SNN: variants seen among roughly 807,000 people sequenced by gnomAD.
SNN encodes stannin, also known as AG8_1.
SNN carries 5 observed loss-of-function variants against 5.3 expected under a neutral mutation model. The observed-to-expected ratio is 0.94, with a 90% confidence interval of 0.49 to 1.97. The LOEUF (loss-of-function observed/expected upper bound fraction) is 1.97. SNN is among the 30% of genes most tolerant of loss of function. SNN has a pLI of 0.01. For missense variants in SNN, 127 were observed against 121.6 expected, an observed-to-expected ratio of 1.04 and a Z score of -0.21; for synonymous variants, 67 against 52.1, an observed-to-expected ratio of 1.29 and a Z score of -1.24.
At position 11,676,037 on chromosome 16, in the gene SNN, C is replaced by T. The variant is rs8191327; in HGVS notation, c.-23C>T. The T allele has an allele frequency of 3.8e-3, 5,973 of 1,554,072 alleles. 223 individuals carry two copies. The African/African-American group carries it at 0.073, about 19-fold the overall frequency. ...TGGCCACCCCCAAAGTGCTGCCAGCCGAGGAAGCCCCCAGCACTGACCATG... is the reference window on the plus strand; with the variant it reads ...TGGCCACCCCCAAAGTGCTGCCAGCTGAGGAAGCCCCCAGCACTGACCATG... On this transcript the variant is annotated 5_prime_UTR_variant, in exon 2 of 2. Transcript: ENST00000329565.
In SNN at chr16:11,676,216, G is replaced by T. The variant is rs759337484; in HGVS notation, c.157G>T (p.Asp53Tyr). 3.7e-6 allele frequency: 6 copies of T among 1,614,254 alleles called. No homozygotes were observed. Among genetic ancestry groups the T allele is most frequent in the Non-Finnish European group, 5.1e-6 (6 of 1,180,050 alleles). ...AGAGGACGAGGAGAGCATCGTGGGG[G>T]ATGGGGAGACCAAGGAACCCTTCCT... ...QSEDEESIVG[D>Y]GETKEPFLLV... The change falls in exon 2 of 2, where the codon GAT becomes TAT. Residue 53 changes from aspartate (D) to tyrosine (Y), a missense_variant. Coordinates refer to ENST00000329565, the MANE Select transcript of SNN (RefSeq NM_003498.6).
At position 11,676,052 on chromosome 16, in the gene SNN, C is replaced by A; in HGVS notation, c.-8C>A. ...TGCTGCCAGCCGAGGAAGCCCCCAG[C>A]ACTGACCATGTCTATTATGGACCAC... On this transcript the variant is annotated 5_prime_UTR_variant, in exon 2 of 2. Transcript: ENST00000329565. The A allele has an allele frequency of 6.3e-7, 1 of 1,588,030 alleles. No homozygotes were observed. Among genetic ancestry groups the A allele is most frequent in the South Asian group, 1.1e-5 (1 of 87,412 alleles).
chr16:11,676,614 T>C lies in SNN; in HGVS notation c.*288T>C. The C allele has an allele frequency of 2.2e-6, 1 of 456,488 alleles. No homozygotes were observed. Among genetic ancestry groups the C allele is most frequent in the Non-Finnish European group, 4.1e-6 (1 of 242,622 alleles). The allele number at this position is 456,488 out of a possible 1,614,324, so 28.3% of individuals were successfully genotyped here. ...TTGAATGTCTAGCTGAGCCTGTTTT[T>C]GATGGAGCTACTACTGTAATGCGTG... is the stretch of plus-strand genomic sequence containing the variant. On this transcript the variant is annotated 3_prime_UTR_variant, in exon 2 of 2. Transcript: ENST00000329565.
At position 11,676,450 on chromosome 16, in the gene SNN, G is replaced by C; in HGVS notation, c.*124G>C. 8.1e-7 allele frequency: 1 copy of C among 1,242,092 alleles called. No individual in the cohort carries two copies. The highest frequency in any genetic ancestry group is 1.1e-6 in the Non-Finnish European group (1 of 900,546). 76.9% of individuals were successfully genotyped at this position (1,242,092 alleles called of 1,614,324 possible). On this transcript the variant is annotated 3_prime_UTR_variant, in exon 2 of 2. Coordinates refer to ENST00000329565, the MANE Select transcript of SNN (RefSeq NM_003498.6). ...ACACTTGCTGGCATGGCCTCTGCGG[G>C]CTTCGTCATCGCATGCACTGATGCC...
In SNN at chr16:11,672,061, GCCCTGAGTGTCAGGGACCCC is replaced by G. The variant is rs577595287; in HGVS notation, c.-86+3525_-86+3544del. ...GACCTGTGCTCAGGGTTCTGGGAGTGCCCTGAGTGTCAGGGACCCCCCCACCTATGATCCCCCTGAGAACA... is the reference window on the plus strand; with the variant it reads ...GACCTGTGCTCAGGGTTCTGGGAGTGCCCACCTATGATCCCCCTGAGAACA... On this transcript the variant is annotated intron_variant, in intron 1 of 1. Coordinates refer to ENST00000329565, the MANE Select transcript of SNN (RefSeq NM_003498.6). The surrounding 1 kb of genome is among the most constrained non-coding windows in gnomAD (Gnocchi z 6.0). Among the ~76,000 whole-genome samples, 1,511 of 152,274 alleles carry G rather than the reference GCCCTGAGTGTCAGGGACCCC, an allele frequency of 9.9e-3. 20 individuals carry two copies. Among genetic ancestry groups the G allele is most frequent in the Non-Finnish European group, 0.017 (1,185 of 68,018 alleles).
rs2050301263 is a variant in SNN, at chr16:11,676,086, C to T, written c.27C>T (p.Thr9=). Residue 9 remains threonine, a synonymous_variant, in exon 2 of 2, where the codon ACC becomes ACT. Transcript: ENST00000329565. The part of the protein sequence containing the change: MSIMDHSP[T]TGVVTVIVIL... Reference sequence around the variant, plus strand: ...TGTCTATTATGGACCACAGCCCCACCACGGGCGTGGTCACAGTCATCGTCA... The same window carrying T: ...TGTCTATTATGGACCACAGCCCCACTACGGGCGTGGTCACAGTCATCGTCA... The T allele has an allele frequency of 6.2e-7, 1 of 1,611,280 alleles. No homozygotes were observed. The highest frequency in any genetic ancestry group is 8.5e-7 in the Non-Finnish European group (1 of 1,178,000).
intron 1 of SNN, among the ~76,000 whole-genome samples, chr16:11,669,906 G>T (rs1309613875): frequency 6.6e-6 from 1 of 152,186 alleles, no homozygotes; most frequent in Non-Finnish European, 1.5e-5. Flanking sequence ...TGTCATGGGT[G>T]GGGGTGGAGG....
rs2050301212 is a variant in SNN, at chr16:11,676,077, C to T, written c.18C>T (p.His6=). 1.2e-6 allele frequency: 2 copies of T among 1,608,488 alleles called. No homozygotes were observed. The highest frequency in any genetic ancestry group is 4.5e-5 in the East Asian group (2 of 44,762). The change falls in exon 2 of 2, where the codon CAC becomes CAT. Residue 6 remains histidine, a synonymous_variant. Coordinates refer to ENST00000329565, the MANE Select transcript of SNN (RefSeq NM_003498.6). MSIMD[H]SPTTGVVTVI... ...CACTGACCATGTCTATTATGGACCA[C>T]AGCCCCACCACGGGCGTGGTCACAG...
chr16:11,676,500 C>G lies in SNN; in HGVS notation c.*174C>G. ...CCGGGGACCTGGCTGTCCTGGGCTT[C>G]CCCTCGGCCTCCAGGTGAGGCTGCC... On this transcript the variant is annotated 3_prime_UTR_variant, in exon 2 of 2. Transcript: ENST00000329565. 1 of 786,538 alleles carries G rather than the reference C, an allele frequency of 1.3e-6. No individual in the cohort carries two copies. Among genetic ancestry groups the G allele is most frequent in the Non-Finnish European group, 2.0e-6 (1 of 495,482 alleles). The allele number at this position is 786,538 out of a possible 1,614,324, so 48.7% of individuals were successfully genotyped here. A position where few individuals can be genotyped will look rare whatever the true frequency, so the allele number is the denominator to read the frequency against.
At chr16:11,673,710 A>G (rs2050280354) in intron 1 of SNN, among the ~76,000 whole-genome samples, 1 of 152,194 alleles carries the variant, frequency 6.6e-6, no homozygotes, top group South Asian at 2.1e-4. Context: ...CGTTCTGGGC[A>G]GGGGCAACTG....
chr16:11,669,064 C>G (rs541652924), intron 1 of SNN, among the ~76,000 whole-genome samples: 195 of 152,306 alleles, frequency 1.3e-3, no homozygotes, highest in African/African-American at 4.4e-3. Context: ...CCGTCCCACA[C>G]CCCGCCTCCG....
intron 1 of SNN, 76 bp from the exon 2 acceptor site, chr16:11,675,899 G>A (rs774409314): frequency 1.4e-6 from 1 of 730,680 alleles, no homozygotes; most frequent in South Asian, 2.1e-5. Context: ...GGGTGGGATG[G>A]GCAGGTCTGA....
chr16:11,670,578 C>G (rs2050260495), intron 1 of SNN, among the ~76,000 whole-genome samples: 1 of 152,218 alleles, frequency 6.6e-6, no homozygotes, highest in Non-Finnish European at 1.5e-5. Context: ...TTTGTTTTCA[C>G]TTTTCTTACC....
At chr16:11,673,358 G>A (rs1268921255) in intron 1 of SNN, among the ~76,000 whole-genome samples, 2 of 152,200 alleles carry the variant, frequency 1.3e-5, no homozygotes, top group African/African-American at 4.8e-5. Context: ...TGGAGGGAGA[G>A]GTGGGCGCTA....
chr16:11,669,041 G>C (rs1378612762), intron 1 of SNN, among the ~76,000 whole-genome samples: 2 of 152,170 alleles, frequency 1.3e-5, no homozygotes, highest in African/African-American at 4.8e-5. Context: ...GGCATGCCTA[G>C]CTCCCCTGGT....
rs1004203275 is a variant in SNN at position 11,671,859 on chromosome 16, C to G, written c.-86+3319C>G. Among the ~76,000 whole-genome samples the G allele has an allele frequency of 5.9e-5, 9 of 152,200 alleles. No homozygotes were observed. Among genetic ancestry groups the G allele is most frequent in the Non-Finnish European group, 1.3e-4 (9 of 68,036 alleles). Reference sequence around the variant, plus strand: ...TCCGCGCTTTGAGTTTCCCGGGGCTCTGCTTGGCCACCCCCTTCCCTCCCT... The same window carrying G: ...TCCGCGCTTTGAGTTTCCCGGGGCTGTGCTTGGCCACCCCCTTCCCTCCCT... On this transcript the variant is annotated intron_variant, in intron 1 of 1. Coordinates refer to ENST00000329565, the MANE Select transcript of SNN (RefSeq NM_003498.6). The surrounding 1 kb of genome is among the most constrained non-coding windows in gnomAD (Gnocchi z 4.7).
chr16:11,669,613 T>G lies in SNN; in HGVS notation c.-86+1073T>G, dbSNP rs144702019. 8.9e-3 allele frequency among the ~76,000 whole-genome samples: 1,361 copies of G among 152,362 alleles called. 20 individuals are homozygous for G. The highest frequency in any genetic ancestry group is 0.031 in the African/African-American group (1,297 of 41,580). ...TTGAGGCAGAAAGGAGACATCTGCG[T>G]GAGCTGTTTATCTCAGTGTCTGGCA... is the stretch of plus-strand genomic sequence containing the variant. On this transcript the variant is annotated intron_variant, in intron 1 of 1. Coordinates refer to ENST00000329565, the MANE Select transcript of SNN (RefSeq NM_003498.6).
At position 11,678,247 on chromosome 16, in the gene SNN, G is replaced by A. The variant is rs944540636; in HGVS notation, c.*1921G>A. The A allele has an allele frequency of 2.1e-4, 35 of 167,088 alleles. No individual in the cohort carries two copies. The highest frequency in any genetic ancestry group is 1.1e-3 in the Admixed American group (17 of 15,284). 10.4% of individuals were successfully genotyped at this position (167,088 alleles called of 1,614,324 possible). ...AGGGAGAACAAGTTCCAAAGGTGCC[G>A]ACTGGAAGAAGGGGGTAAAAGTTTG... On this transcript the variant is annotated 3_prime_UTR_variant, in exon 2 of 2. Coordinates refer to ENST00000329565, the MANE Select transcript of SNN (RefSeq NM_003498.6).
rs182832736 is a variant in SNN at position 11,673,975 on chromosome 16, G to A, written c.-85-2000G>A. 1.7e-3 allele frequency among the ~76,000 whole-genome samples: 258 copies of A among 152,348 alleles called. 3 individuals carry two copies. The highest frequency in any genetic ancestry group is 2.2e-3 in the Non-Finnish European group (153 of 68,026). On this transcript the variant is annotated intron_variant, in intron 1 of 1. Transcript: ENST00000329565. ...CCCAGGGCCCTCTGCAGAAGCTGCC[G>A]GTTTCCCCGGGCCTGGTCCCTGGAC...
Sources: gnomAD v4.1 joint callset for allele counts (sites outside exome capture counted in the v4.1 genomes callset) on GRCh38, gnomAD v4.1.1 for gene constraint, Gnocchi (gnomAD v3.1) non-coding constraint, MANE v1.5 for transcripts, NCBI Gene and HGNC (gene_info 2026-07-23, HGNC 2026-07-21) for gene names.